The following AMPD3 variants were observed in gnomAD, a reference collection of about 807,000 sequenced individuals.
The protein encoded by AMPD3 is adenosine monophosphate deaminase 3, also known as AMP deaminase 3.
AMPD3 carries 57 observed loss-of-function variants against 82.3 expected under a neutral mutation model. That is an observed-to-expected ratio of 0.69 (90% CI 0.56 to 0.86). AMPD3 has a LOEUF of 0.86. AMPD3 is among the 40% of genes least tolerant of loss of function. The probability of loss-of-function intolerance (pLI) is 0.00; values close to 1 mark genes in which losing one functional copy is unlikely to be tolerated. For synonymous variants in AMPD3, 381 were observed against 394.7 expected (o/e 0.97, Z 0.41); for missense variants, 870 against 1,003.8 (o/e 0.87, Z 1.80).
chr11:10,488,248 C>T lies in AMPD3; in HGVS notation c.939+884C>T, dbSNP rs964786276. 4 of 985,320 alleles carry T rather than the reference C, an allele frequency of 4.1e-6. No individual in the cohort carries two copies. The African/African-American group carries it at 7.0e-5, about 17-fold the overall frequency. The allele number at this position is 985,320 out of a possible 1,614,324, so 61.0% of individuals were successfully genotyped here. A position where few individuals can be genotyped will look rare whatever the true frequency, so the allele number is the denominator to read the frequency against. ...CTTTCCATTCTCTTTTGCTGAAGCGCTGTGCAGTGAGGCACAGGGTCAGTG... is the reference window on the plus strand; with the variant it reads ...CTTTCCATTCTCTTTTGCTGAAGCGTTGTGCAGTGAGGCACAGGGTCAGTG... On this transcript the variant is annotated intron_variant, in intron 6 of 14. Coordinates refer to ENST00000396553, the MANE Select transcript of AMPD3 (RefSeq NM_001025389.2).
intron 4 of AMPD3, among the ~76,000 whole-genome samples, chr11:10,482,978 T>C (rs949700813): frequency 6.6e-6 from 1 of 152,236 alleles, no homozygotes; most frequent in Admixed American, 6.5e-5. Flanking sequence ...CTGGGCTCTG[T>C]CAATTTCTTG....
chr11:10,500,793 T>TAC, intron 11 of AMPD3: 1 of 985,378 alleles, frequency 1.0e-6, no homozygotes, highest in Non-Finnish European at 1.2e-6. Context: ...CTCCTACCAA[T>TAC]ACGCACACAG....
At chr11:10,481,567 C>A in intron 3 of AMPD3, 2 of 885,700 alleles carry the variant, frequency 2.3e-6, no homozygotes, top group Non-Finnish European at 2.7e-6. Context: ...GGAGGACTCA[C>A]AGGACTCAGC....
At chr11:10,474,047 C>T (rs2133864778) in intron 2 of AMPD3, among the ~76,000 whole-genome samples, 1 of 152,288 alleles carries the variant, frequency 6.6e-6, no homozygotes, top group African/African-American at 2.4e-5. Flanking sequence ...TGCTCCACTG[C>T]TCCCACCCCT....
At chr11:10,501,888 G>A (rs1050040054) in intron 12 of AMPD3, 2 of 984,034 alleles carry the variant, frequency 2.0e-6, no homozygotes. Flanking sequence ...TATTTTTAAT[G>A]TGTTTATTAT....
intron 1 of AMPD3, chr11:10,455,793 C>A (rs1221962277): frequency 4.5e-6 from 2 of 443,446 alleles, no homozygotes; most frequent in Non-Finnish European, 6.0e-6. Context: ...CTCCCCCTGG[C>A]AGTTATGGGG....
chr11:10,497,943 G>C (rs912098602), intron 10 of AMPD3, among the ~76,000 whole-genome samples: 2 of 152,194 alleles, frequency 1.3e-5, no homozygotes, highest in South Asian at 4.1e-4. Context: ...ACACGGTGTT[G>C]AGTGCTCTCC....
chr11:10,453,447 G>A (rs1010945747), upstream of AMPD3, among the ~76,000 whole-genome samples: 3 of 152,134 alleles, frequency 2.0e-5, no homozygotes, highest in Admixed American at 1.3e-4. Flanking sequence ...TCATGGAGCT[G>A]GTATTTAGCA....
intron 6 of AMPD3, among the ~76,000 whole-genome samples, chr11:10,488,659 G>A (rs1359716807): frequency 6.6e-6 from 1 of 152,176 alleles, no homozygotes; most frequent in East Asian, 1.9e-4. Flanking sequence ...GGGGTGTGGT[G>A]GCGAGCTGGG....
chr11:10,459,548 G>A (rs1219725075), intron 1 of AMPD3, among the ~76,000 whole-genome samples: 1 of 152,050 alleles, frequency 6.6e-6, no homozygotes, highest in African/African-American at 2.4e-5. Context: ...ACAGCAGCAG[G>A]GCTCTGTCTC....
intron 2 of AMPD3, chr11:10,476,902 G>A (rs573206789): frequency 9.1e-5 from 88 of 971,674 alleles, no homozygotes; most frequent in Middle Eastern, 5.3e-4. Context: ...TGAGTTTCCC[G>A]AAGCAGTCCA....
At chr11:10,497,263 C>G (rs1423257454) in intron 10 of AMPD3, among the ~76,000 whole-genome samples, 1 of 150,970 alleles carries the variant, frequency 6.6e-6, no homozygotes, top group East Asian at 2.0e-4. Flanking sequence ...CTGGATCTAG[C>G]CCCCGGCAGC....
chr11:10,504,975 GT>G (rs1406616435), intron 14 of AMPD3: 1 of 301,066 alleles, frequency 3.3e-6, no homozygotes, highest in Non-Finnish European at 4.9e-6. Context: ...TTAGTTATGT[GT>G]TTTTCTGTCT....
intron 10 of AMPD3, chr11:10,497,590 T>C: frequency 1.0e-6 from 1 of 985,340 alleles, no homozygotes; most frequent in Non-Finnish European, 1.2e-6. Flanking sequence ...GCCCGAGGGC[T>C]GGGGCACGGG....
rs933731212 is a variant in AMPD3 at position 10,461,600 on chromosome 11, A to C, written c.81A>C (p.Lys27Asn). 3.1e-6 allele frequency: 5 copies of C among 1,614,246 alleles called. No individual in the cohort carries two copies. The highest frequency in any genetic ancestry group is 4.2e-6 in the Non-Finnish European group (5 of 1,180,048). The change falls in exon 2 of 15, where the codon AAA becomes AAC. Residue 27 changes from lysine (K) to asparagine (N), a missense_variant. Coordinates refer to ENST00000396553, the MANE Select transcript of AMPD3 (RefSeq NM_001025389.2). ...VRLLAEKVFAKVLREEDSKDA... is the reference protein window; with the variant it reads ...VRLLAEKVFANVLREEDSKDA... ...TCCTGGCGGAGAAGGTGTTTGCTAA[A>C]GTGCTCCGAGAAGAGGACAGCAAAG... is the stretch of plus-strand genomic sequence containing the variant.
chr11:10,468,218 C>G (rs532203516), intron 2 of AMPD3, among the ~76,000 whole-genome samples: 1 of 152,184 alleles, frequency 6.6e-6, no homozygotes, highest in South Asian at 2.1e-4. Flanking sequence ...AACACACAGA[C>G]TGGCAAATTG....
chr11:10,478,641 G>A lies in AMPD3; in HGVS notation c.337G>A (p.Val113Ile), dbSNP rs990438647. 1.7e-5 allele frequency: 27 copies of A among 1,614,110 alleles called. No homozygotes were observed. Among genetic ancestry groups the A allele is most frequent in the Non-Finnish European group, 2.2e-5 (26 of 1,180,050 alleles). Residue 113 changes from valine (V) to isoleucine (I), a missense_variant, in exon 3 of 15, where the codon GTC (valine) becomes ATC (isoleucine). Physicochemically the swap from Val to Ile is conservative, Grantham distance 29 (BLOSUM62 3). Transcript: ENST00000396553. ...GGCCATGTCTCCCACAACCCCTGTG[G>A]TCACTGGAGCCACTTCCCTGCCCAC... is the stretch of plus-strand genomic sequence containing the variant. The part of the protein sequence containing the change: ...SPAMSPTTPV[V>I]TGATSLPTPA...
chr11:10,475,479 G>C (rs1848712516), intron 2 of AMPD3, among the ~76,000 whole-genome samples: 1 of 152,074 alleles, frequency 6.6e-6, no homozygotes. Flanking sequence ...ACCTTTACTG[G>C]CTGGGCCTCG....
At chr11:10,483,055 A>G (rs568549600) in intron 4 of AMPD3, among the ~76,000 whole-genome samples, 1 of 152,350 alleles carries the variant, frequency 6.6e-6, no homozygotes, top group Admixed American at 6.5e-5. Context: ...GGAAATGCAA[A>G]TAATACCTAT....
Sources: allele counts gnomAD v4.1 joint callset (sites outside exome capture counted in the v4.1 genomes callset), GRCh38; gene constraint gnomAD v4.1.1; transcripts MANE v1.5; gene names NCBI Gene and HGNC (gene_info 2026-07-23, HGNC 2026-07-21).